LRRC4C: variants seen among roughly 807,000 people sequenced by gnomAD.
LRRC4C encodes the protein leucine-rich repeat-containing protein 4C.
LRRC4C carries 5 observed loss-of-function variants against 33.6 expected under a neutral mutation model. The observed-to-expected ratio is 0.15, with a 90% CI of 0.08 to 0.31. The LOEUF is 0.31. Among genes scored for constraint, LRRC4C ranks in the 10% least tolerant of loss-of-function variants. LRRC4C has a pLI of 1.00. For synonymous variants in LRRC4C, 329 were observed against 302.0 expected (o/e 1.09, Z -0.93); for missense variants, 560 against 796.7 (o/e 0.70, Z 3.58).
At chr11:41,116,607 G>T (rs1171778243) in intron 1 of LRRC4C, among the ~76,000 whole-genome samples, 1 of 152,046 alleles carries the variant, frequency 6.6e-6, no homozygotes, top group East Asian at 1.9e-4. Flanking sequence ...GGTCATTTTG[G>T]AGAAAGAGTA....
At chr11:40,775,424 A>T (rs1196322642) in intron 2 of LRRC4C, among the ~76,000 whole-genome samples, 1 of 152,158 alleles carries the variant, frequency 6.6e-6, no homozygotes, top group African/African-American at 2.4e-5. Context: ...AAAAAAAAAA[A>T]AAAGTAAATA....
chr11:40,220,587 A>G (rs920520601), intron 5 of LRRC4C, among the ~76,000 whole-genome samples: 2 of 152,126 alleles, frequency 1.3e-5, no homozygotes, highest in East Asian at 3.9e-4. Context: ...AAATATATTA[A>G]AGATCCATCT....
At chr11:41,427,015 C>T (rs1425216531) in intron 1 of LRRC4C, among the ~76,000 whole-genome samples, 1 of 152,162 alleles carries the variant, frequency 6.6e-6, no homozygotes, top group Non-Finnish European at 1.5e-5. Flanking sequence ...AAGCAATTTA[C>T]AGAACCAATT....
At chr11:40,973,220 A>G (rs1270367202) in intron 1 of LRRC4C, among the ~76,000 whole-genome samples, 1 of 152,140 alleles carries the variant, frequency 6.6e-6, no homozygotes, top group Non-Finnish European at 1.5e-5. Flanking sequence ...CAGTGTGAGG[A>G]TGAACTAATA....
At chr11:40,900,530 A>G (rs919825267) in intron 2 of LRRC4C, among the ~76,000 whole-genome samples, 1 of 152,100 alleles carries the variant, frequency 6.6e-6, no homozygotes, top group Admixed American at 6.6e-5. Flanking sequence ...TAGCTATGTT[A>G]AATCATGGTT....
intron 1 of LRRC4C, among the ~76,000 whole-genome samples, chr11:41,369,395 G>A (rs999969041): frequency 6.6e-6 from 1 of 151,944 alleles, no homozygotes; most frequent in African/African-American, 2.4e-5. Context: ...GAGGGTAGAG[G>A]GTGAGAGCAG....
chr11:41,164,344 A>G (rs1944623871), intron 1 of LRRC4C, among the ~76,000 whole-genome samples: 1 of 152,112 alleles, frequency 6.6e-6, no homozygotes, highest in African/African-American at 2.4e-5. Context: ...AATAACAAGC[A>G]TGAAGCCATT....
rs1445564133 is a variant in LRRC4C at position 40,120,347 on chromosome 11, A to C, written c.-42-4013T>G. Among the ~76,000 whole-genome samples, 3 of 152,274 alleles carry C rather than the reference A, an allele frequency of 2.0e-5. No individual in the cohort carries two copies. In the East Asian group the frequency reaches 5.8e-4, roughly 30 times the overall value. ...TTCACAACCTAAGTCAGATAGAGTT[A>C]TCCTCCTTGTAAATTTAAATATGGC... On this transcript the variant is annotated intron_variant, in intron 6 of 6. Transcript: ENST00000528697.
At chr11:40,932,830 A>G (rs1957685860) in intron 2 of LRRC4C, among the ~76,000 whole-genome samples, 4 of 152,182 alleles carry the variant, frequency 2.6e-5, no homozygotes, top group Admixed American at 2.0e-4. Context: ...GGAACATTTC[A>G]TGTGGTCACA....
At chr11:41,381,935 C>CAT (rs906137543) in intron 1 of LRRC4C, among the ~76,000 whole-genome samples, 1 of 146,702 alleles carries the variant, frequency 6.8e-6, no homozygotes, top group Non-Finnish European at 1.5e-5. Flanking sequence ...TATATATATG[C>CAT]ATATATATAA....
intron 1 of LRRC4C, among the ~76,000 whole-genome samples, chr11:41,063,788 T>C (rs1393296010): frequency 1.3e-5 from 2 of 152,244 alleles, no homozygotes; most frequent in Non-Finnish European, 2.9e-5. Flanking sequence ...AGTCTAGATC[T>C]TTAGAGCAGA....
intron 4 of LRRC4C, among the ~76,000 whole-genome samples, chr11:40,244,745 GC>G (rs1866196980): frequency 6.6e-6 from 1 of 151,232 alleles, no homozygotes; most frequent in Non-Finnish European, 1.5e-5. Context: ...TTTTTTTTTG[GC>G]CCTGAAGTAC....
At chr11:41,015,641 G>A (rs1855528425) in intron 1 of LRRC4C, among the ~76,000 whole-genome samples, 3 of 152,156 alleles carry the variant, frequency 2.0e-5, no homozygotes, top group African/African-American at 4.8e-5. Context: ...TTATGTCAGT[G>A]AGGACATGCA....
chr11:40,748,245 G>A (rs956305994), intron 2 of LRRC4C, among the ~76,000 whole-genome samples: 8 of 151,740 alleles, frequency 5.3e-5, no homozygotes, highest in African/African-American at 1.9e-4. Context: ...CAAAGAATAG[G>A]ATAATATATT....
chr11:40,832,121 A>T (rs1015631423), intron 2 of LRRC4C, among the ~76,000 whole-genome samples: 1 of 152,130 alleles, frequency 6.6e-6, no homozygotes, highest in Non-Finnish European at 1.5e-5. Context: ...ATATGGTATA[A>T]CCTACTGCTC....
At chr11:41,246,740 C>T (rs1436530912) in intron 1 of LRRC4C, among the ~76,000 whole-genome samples, 1 of 152,164 alleles carries the variant, frequency 6.6e-6, no homozygotes, top group Non-Finnish European at 1.5e-5. Flanking sequence ...TTTTTAATCC[C>T]TTTCTTCATT....
At chr11:40,198,523 C>G (rs778897500) in intron 5 of LRRC4C, among the ~76,000 whole-genome samples, 2 of 152,116 alleles carry the variant, frequency 1.3e-5, no homozygotes, top group Admixed American at 1.3e-4. Flanking sequence ...GCATGTAATC[C>G]GTTTCTATAT....
At chr11:40,289,563 G>A (rs1000281190) in intron 4 of LRRC4C, among the ~76,000 whole-genome samples, 76 of 152,212 alleles carry the variant, frequency 5.0e-4, no homozygotes, top group African/African-American at 1.8e-3. Context: ...CACCAACCTG[G>A]GCCCTGACAC....
chr11:40,205,728 A>T (rs1022491453), intron 5 of LRRC4C, among the ~76,000 whole-genome samples: 2 of 152,182 alleles, frequency 1.3e-5, no homozygotes, highest in African/African-American at 4.8e-5. Context: ...AGGGGTAATC[A>T]GTCAGTCAGG....
Sources: gnomAD v4.1 joint callset for allele counts (sites outside exome capture counted in the v4.1 genomes callset) on GRCh38, gnomAD v4.1.1 for gene constraint, MANE v1.5 for transcripts, NCBI Gene and HGNC (gene_info 2026-07-23, HGNC 2026-07-21) for gene names.